Variants in CACNA1C observed in about 807,000 individuals in gnomAD.
CACNA1C encodes voltage-dependent L-type calcium channel subunit alpha-1C.
A neutral mutation model predicts 229.0 loss-of-function variants in CACNA1C; 30 were observed. The observed-to-expected ratio is 0.13, with a 90% CI of 0.10 to 0.18. CACNA1C has a LOEUF of 0.18. CACNA1C is among the 10% of genes least tolerant of loss of function. The pLI is 1.00. For missense variants in CACNA1C, 1,658 were observed against 2,845.0 expected, an observed-to-expected ratio of 0.58 and a Z score of 9.49; for synonymous variants, 1,114 against 1,132.5, an observed-to-expected ratio of 0.98 and a Z score of 0.33.
chr12:2,477,361 C>G (rs1339035993), intron 5 of CACNA1C, among the ~76,000 whole-genome samples: 2 of 152,266 alleles, frequency 1.3e-5, no homozygotes, highest in Admixed American at 1.3e-4. Context: ...GATCACTATC[C>G]CTGGGAGGGA....
chr12:2,469,536 G>A (rs972395677), intron 5 of CACNA1C, among the ~76,000 whole-genome samples: 3 of 152,202 alleles, frequency 2.0e-5, no homozygotes, highest in African/African-American at 7.2e-5. Flanking sequence ...GATTGGAACA[G>A]CATGTCATCA....
intron 18 of CACNA1C, among the ~76,000 whole-genome samples, chr12:2,586,900 A>G (rs534827005): frequency 6.6e-6 from 1 of 152,344 alleles, no homozygotes; most frequent in South Asian, 2.1e-4. Context: ...TATGCCCGGC[A>G]TTAAGGCTTT....
At chr12:2,145,552 C>T (rs2094624112) in intron 3 of CACNA1C, among the ~76,000 whole-genome samples, 1 of 147,724 alleles carries the variant, frequency 6.8e-6, no homozygotes, top group African/African-American at 2.6e-5. Context: ...TTTGCTTGCT[C>T]ATTTATTTTG....
chr12:2,087,153 G>GTCTGA (rs1001794358), intron 1 of CACNA1C, among the ~76,000 whole-genome samples: 1 of 152,116 alleles, frequency 6.6e-6, no homozygotes, highest in Non-Finnish European at 1.5e-5. Flanking sequence ...TTGCTGGCCT[G>GTCTGA]TCTGATCTTG....
At chr12:2,545,169 T>C (rs562805024) in intron 9 of CACNA1C, among the ~76,000 whole-genome samples, 379 of 152,084 alleles carry the variant, frequency 2.5e-3, no homozygotes, top group Non-Finnish European at 3.6e-3. Context: ...AATAGTTCAT[T>C]GTTGTTGAGT....
intron 3 of CACNA1C, among the ~76,000 whole-genome samples, chr12:2,291,432 T>C (rs543875954): frequency 6.6e-6 from 1 of 152,332 alleles, no homozygotes; most frequent in African/African-American, 2.4e-5. Flanking sequence ...GACTGCTCTT[T>C]GGTGAGCAGG....
intron 3 of CACNA1C, among the ~76,000 whole-genome samples, chr12:2,150,071 A>G (rs922219984): frequency 5.9e-5 from 9 of 152,160 alleles, no homozygotes; most frequent in African/African-American, 2.2e-4. Context: ...TGCTGTGCTC[A>G]TGGAATCTGG....
chr12:2,392,963 C>A (rs889856125), intron 3 of CACNA1C, among the ~76,000 whole-genome samples: 1 of 152,092 alleles, frequency 6.6e-6, no homozygotes, highest in Non-Finnish European at 1.5e-5. Context: ...GTGTCCTTAC[C>A]TTGTGTAGAC....
chr12:2,266,441 C>T (rs1478901708), intron 3 of CACNA1C, among the ~76,000 whole-genome samples: 2 of 152,252 alleles, frequency 1.3e-5, no homozygotes, highest in African/African-American at 2.4e-5. Flanking sequence ...GTGACCCTCT[C>T]GTGCTCTAGG....
intron 1 of CACNA1C, among the ~76,000 whole-genome samples, chr12:2,085,799 C>G (rs758712004): frequency 6.6e-6 from 1 of 152,172 alleles, no homozygotes; most frequent in Non-Finnish European, 1.5e-5. Context: ...AGCACCCTGT[C>G]CACTGTAAAT....
chr12:1,986,163 C>T (rs2037716461), intron 1 of CACNA1C, among the ~76,000 whole-genome samples: 1 of 152,182 alleles, frequency 6.6e-6, no homozygotes, highest in Non-Finnish European at 1.5e-5. Flanking sequence ...ATATACTAGT[C>T]TGAATTTGGA....
At chr12:2,324,697 A>G (rs2096204988) in intron 3 of CACNA1C, among the ~76,000 whole-genome samples, 1 of 152,186 alleles carries the variant, frequency 6.6e-6, no homozygotes, top group Non-Finnish European at 1.5e-5. Flanking sequence ...GTCATTAAAA[A>G]TATGCAAAGG....
chr12:2,599,597 A>G (rs1250732957), intron 21 of CACNA1C, among the ~76,000 whole-genome samples: 1 of 152,192 alleles, frequency 6.6e-6, no homozygotes, highest in Non-Finnish European at 1.5e-5. Flanking sequence ...CTACCCTTCC[A>G]GGCAGAGCTA....
intron 7 of CACNA1C, among the ~76,000 whole-genome samples, chr12:2,495,173 G>T (rs936166279): frequency 2.6e-5 from 4 of 152,254 alleles, no homozygotes; most frequent in Non-Finnish European, 4.4e-5. Flanking sequence ...TTGTAAGACA[G>T]AAGGAATTGA....
intron 1 of CACNA1C, chr12:1,992,014 A>C (rs952891738): frequency 3.4e-6 from 1 of 294,702 alleles, no homozygotes; most frequent in Non-Finnish European, 7.1e-6. Context: ...ATAAGCACAC[A>C]AAACAATTCA....
chr12:2,581,493 C>T (rs2060482429), intron 13 of CACNA1C, 97 bp from the exon 14 acceptor site: 1 of 1,118,686 alleles, frequency 8.9e-7, no homozygotes, highest in Non-Finnish European at 1.3e-6. Flanking sequence ...AGAGTGGCAG[C>T]TCCTCTGAGA....
intron 9 of CACNA1C, among the ~76,000 whole-genome samples, chr12:2,543,401 T>C (rs2099875788): frequency 6.6e-6 from 1 of 152,208 alleles, no homozygotes; most frequent in Admixed American, 6.5e-5. Flanking sequence ...GCTTTCCATC[T>C]CATCCACTGA....
intron 3 of CACNA1C, among the ~76,000 whole-genome samples, chr12:2,299,982 T>G (rs543631090): frequency 2.2e-4 from 34 of 152,354 alleles, no homozygotes; most frequent in African/African-American, 7.7e-4. Context: ...ATCATCATCA[T>G]CAGCACTATC....
chr12:2,335,740 C>T (rs1390744822), intron 3 of CACNA1C, among the ~76,000 whole-genome samples: 1 of 152,172 alleles, frequency 6.6e-6, no homozygotes. Context: ...GACATCTGCC[C>T]AACCTCCCTG....
Sources: allele counts gnomAD v4.1 joint callset (sites outside exome capture counted in the v4.1 genomes callset), GRCh38; gene constraint gnomAD v4.1.1; transcripts MANE v1.5; gene names NCBI Gene and HGNC (gene_info 2026-07-23, HGNC 2026-07-21).